RNF150: variants seen among roughly 807,000 people sequenced by gnomAD.
The protein encoded by RNF150 is ring finger protein 150.
A neutral mutation model predicts 39.3 loss-of-function variants in RNF150; 24 were observed. That is an observed-to-expected ratio of 0.61 (90% CI 0.44 to 0.86). The LOEUF (loss-of-function observed/expected upper bound fraction) is 0.86. RNF150 is among the 40% of genes least tolerant of loss of function. The probability of loss-of-function intolerance (pLI) is 0.00; values close to 1 mark genes in which losing one functional copy is unlikely to be tolerated. For synonymous variants in RNF150, 255 were observed against 227.3 expected, an observed-to-expected ratio of 1.12 and a Z score of -1.10; for missense variants, 502 against 587.8, an observed-to-expected ratio of 0.85 and a Z score of 1.51.
At chr4:140,923,261 A>G (rs1327580453) in intron 5 of RNF150, among the ~76,000 whole-genome samples, 1 of 152,216 alleles carries the variant, frequency 6.6e-6, no homozygotes, top group African/African-American at 2.4e-5. Flanking sequence ...AATGAACTCA[A>G]ACAAATTTAC....
At chr4:141,151,133 G>A (rs1248389183) in intron 1 of RNF150, among the ~76,000 whole-genome samples, 1 of 151,806 alleles carries the variant, frequency 6.6e-6, no homozygotes, top group African/African-American at 2.4e-5. Context: ...TGTAGAGGAT[G>A]GGGTCTCATT....
intron 1 of RNF150, among the ~76,000 whole-genome samples, chr4:140,978,104 C>A (rs1428345435): frequency 6.6e-6 from 1 of 152,050 alleles, no homozygotes; most frequent in Non-Finnish European, 1.5e-5. Flanking sequence ...ATTCAGCAAC[C>A]AAATTGATAA....
intron 6 of RNF150, among the ~76,000 whole-genome samples, chr4:140,902,565 T>C (rs1730224666): frequency 1.3e-5 from 2 of 152,126 alleles, no homozygotes; most frequent in African/African-American, 4.8e-5. Context: ...TTTTGGTTTT[T>C]CCTTATTTTT....
In RNF150 at chr4:140,944,978, T is replaced by C. The variant is rs139337079; in HGVS notation, c.890+2676A>G. Among the ~76,000 whole-genome samples the C allele has an allele frequency of 4.4e-3, 673 of 152,326 alleles. 4 individuals are homozygous for C. Among genetic ancestry groups the C allele is most frequent in the African/African-American group, 0.015 (644 of 41,578 alleles). The stretch of plus-strand genomic sequence containing the variant: ...AGCAACAGGCATAAAAATACCTTGA[T>C]TTTAAAACCTACATGGAAAAAATGT... On this transcript the variant is annotated intron_variant, in intron 4 of 6. Transcript: ENST00000515673.
chr4:141,177,994 T>C (rs1017694594), intron 1 of RNF150, among the ~76,000 whole-genome samples: 1 of 152,062 alleles, frequency 6.6e-6, no homozygotes, highest in Non-Finnish European at 1.5e-5. Context: ...TAAACTCCAA[T>C]ATTGTATCTC....
intron 1 of RNF150, among the ~76,000 whole-genome samples, chr4:141,175,084 C>T (rs556100412): frequency 5.3e-5 from 8 of 152,210 alleles, no homozygotes; most frequent in African/African-American, 1.9e-4. Flanking sequence ...TTCAGAAGAC[C>T]TCAAGGTGGC....
chr4:140,937,752 T>C (rs921588817), intron 4 of RNF150, among the ~76,000 whole-genome samples: 40 of 152,126 alleles, frequency 2.6e-4, no homozygotes, highest in East Asian at 9.6e-4. Flanking sequence ...ATTATTTTTG[T>C]TTACTTCTTT....
intron 5 of RNF150, among the ~76,000 whole-genome samples, chr4:140,917,891 T>G (rs1733554028): frequency 6.6e-6 from 1 of 151,720 alleles, no homozygotes; most frequent in Non-Finnish European, 1.5e-5. Flanking sequence ...AGAAACTCAC[T>G]CAAAACCGCT....
At chr4:141,091,061 A>C (rs1738561874) in intron 1 of RNF150, among the ~76,000 whole-genome samples, 1 of 152,220 alleles carries the variant, frequency 6.6e-6, no homozygotes, top group African/African-American at 2.4e-5. Context: ...AAAAATCTTA[A>C]GAAGGAATAG....
chr4:140,951,438 C>A (rs1732535235), intron 2 of RNF150, among the ~76,000 whole-genome samples: 1 of 152,026 alleles, frequency 6.6e-6, no homozygotes, highest in Non-Finnish European at 1.5e-5. Flanking sequence ...CGCATACACA[C>A]ACGTACACAC....
chr4:141,071,816 A>G (rs1158225186), intron 1 of RNF150, among the ~76,000 whole-genome samples: 2 of 152,226 alleles, frequency 1.3e-5, no homozygotes, highest in Admixed American at 6.5e-5. Context: ...AAATCTTGAC[A>G]GCACTGCATT....
intron 1 of RNF150, among the ~76,000 whole-genome samples, chr4:141,194,015 T>C (rs1728157953): frequency 6.6e-6 from 1 of 152,262 alleles, no homozygotes; most frequent in Non-Finnish European, 1.5e-5. Flanking sequence ...TTGATTCTCA[T>C]ATGCACATGG....
chr4:141,056,913 A>G (rs531441759), intron 1 of RNF150, among the ~76,000 whole-genome samples: 192 of 152,282 alleles, frequency 1.3e-3, no homozygotes, highest in African/African-American at 4.5e-3. Flanking sequence ...TCTAAAATGC[A>G]TAACTGTTTT....
intron 1 of RNF150, among the ~76,000 whole-genome samples, chr4:141,190,344 C>T (rs570143420): frequency 1.3e-5 from 2 of 152,262 alleles, no homozygotes; most frequent in African/African-American, 4.8e-5. Flanking sequence ...TGAGTCTGAC[C>T]TAATCAGGTG....
intron 1 of RNF150, among the ~76,000 whole-genome samples, chr4:140,970,797 G>A (rs371693999): frequency 2.6e-4 from 39 of 152,224 alleles, no homozygotes; most frequent in African/African-American, 9.1e-4. Flanking sequence ...AAGACAAACA[G>A]TGCAAATGGC....
At chr4:140,873,387 CAGA>C (rs1301630633) in intron 6 of RNF150, among the ~76,000 whole-genome samples, 1 of 152,022 alleles carries the variant, frequency 6.6e-6, no homozygotes, top group East Asian at 1.9e-4. Context: ...AGGAGGAGAG[CAGA>C]AGAACAGCAG....
rs139744731 is a variant in RNF150 at position 141,165,699 on chromosome 4, C to T, written c.-6+47095G>A. ...TGAACAACCTGCTTCTGAATGACTA[C>T]TGGGTAAATAACAGAATTAAGGCAG... On this transcript the variant is annotated intron_variant, in intron 1 of 7. Coordinates refer to the RNF150 transcript ENST00000420921. Among the ~76,000 whole-genome samples the T allele has an allele frequency of 2.7e-3, 404 of 152,264 alleles. 1 individual carries two copies. Among genetic ancestry groups the T allele is most frequent in the African/African-American group, 9.2e-3 (382 of 41,526 alleles).
intron 1 of RNF150, among the ~76,000 whole-genome samples, chr4:141,185,699 G>A (rs557865301): frequency 5.9e-5 from 9 of 152,234 alleles, no homozygotes; most frequent in African/African-American, 1.9e-4. Context: ...TTTGAGATAT[G>A]TTCCATAAAT....
At chr4:140,884,990 T>G (rs6819486) in intron 6 of RNF150, among the ~76,000 whole-genome samples, 1,721 of 152,222 alleles carry the variant, frequency 0.011, 39 homozygotes, top group African/African-American at 0.037. Context: ...CTTAACTTGT[T>G]TCTGTTATTT....
Sources: gnomAD v4.1 joint callset for allele counts (sites outside exome capture counted in the v4.1 genomes callset) on GRCh38, gnomAD v4.1.1 for gene constraint, MANE v1.5 for transcripts, NCBI Gene and HGNC (gene_info 2026-07-23, HGNC 2026-07-21) for gene names.